DPP6: variants seen among roughly 807,000 people sequenced by gnomAD.
DPP6 encodes dipeptidyl peptidase like 6.
DPP6 carries 69 observed loss-of-function variants against 122.6 expected under a neutral mutation model. That is an observed-to-expected ratio of 0.56 (90% CI 0.46 to 0.69). The LOEUF is 0.69. Ranked by LOEUF, DPP6 falls within the 30% of genes least tolerant of loss-of-function variation. The pLI, the probability that DPP6 is intolerant of heterozygous loss-of-function variation, is 0.00. For synonymous variants in DPP6, 418 were observed against 433.1 expected, an observed-to-expected ratio of 0.97 and a Z score of 0.43; for missense variants, 928 against 1,116.9, an observed-to-expected ratio of 0.83 and a Z score of 2.41.
chr7:154,420,214 G>A (rs1817353097), intron 1 of DPP6, among the ~76,000 whole-genome samples: 1 of 152,122 alleles, frequency 6.6e-6, no homozygotes, highest in South Asian at 2.1e-4. Context: ...GCGGGCACCT[G>A]TAATCCCAGC....
intron 5 of DPP6, among the ~76,000 whole-genome samples, chr7:154,590,695 C>A (rs1028446075): frequency 6.7e-6 from 1 of 150,240 alleles, no homozygotes; most frequent in Non-Finnish European, 1.5e-5. Context: ...CCACCACACC[C>A]GGCTAATTTT....
At chr7:154,598,085 T>C (rs1399815708) in intron 5 of DPP6, among the ~76,000 whole-genome samples, 1 of 152,090 alleles carries the variant, frequency 6.6e-6, no homozygotes, top group Non-Finnish European at 1.5e-5. Context: ...ATTCAACACA[T>C]AGAAAACAGT....
At chr7:154,219,581 C>CT (rs562114358) in intron 1 of DPP6, among the ~76,000 whole-genome samples, 24 of 148,028 alleles carry the variant, frequency 1.6e-4, no homozygotes, top group South Asian at 2.1e-4. Flanking sequence ...TGCTTGCCTA[C>CT]TTTTTTTTTT....
chr7:153,846,577 T>G, the DPP6 span, among the ~76,000 whole-genome samples: 1 of 152,080 alleles, frequency 6.6e-6, no homozygotes, highest in Non-Finnish European at 1.5e-5. Context: ...TGAAATTTCA[T>G]GTATGTCATT....
At chr7:154,471,449 G>A (rs1036953556) in intron 2 of DPP6, among the ~76,000 whole-genome samples, 1 of 151,986 alleles carries the variant, frequency 6.6e-6, no homozygotes, top group Non-Finnish European at 1.5e-5. Context: ...TTGGAAGGTT[G>A]GTTTTCATGA....
chr7:154,319,464 C>A (rs1244311803), intron 1 of DPP6, among the ~76,000 whole-genome samples: 1 of 151,786 alleles, frequency 6.6e-6, no homozygotes, highest in East Asian at 1.9e-4. Flanking sequence ...GAGGCCGAGG[C>A]GGGTGGATTG....
At chr7:153,865,583 T>A in the DPP6 span, among the ~76,000 whole-genome samples, 4 of 152,242 alleles carry the variant, frequency 2.6e-5, no homozygotes, top group African/African-American at 9.6e-5. Flanking sequence ...TACCTCTTAT[T>A]TAACTTTTAC....
chr7:154,689,084 T>C (rs1482416534), intron 7 of DPP6, among the ~76,000 whole-genome samples: 2 of 152,244 alleles, frequency 1.3e-5, no homozygotes, highest in East Asian at 3.8e-4. Context: ...TCTGCCTTAT[T>C]TCCTGATCTT....
intron 1 of DPP6, among the ~76,000 whole-genome samples, chr7:153,913,063 T>G (rs1489262777): frequency 6.6e-6 from 1 of 152,176 alleles, no homozygotes; most frequent in African/African-American, 2.4e-5. Context: ...GGACTGTGTT[T>G]AGGAGTTGTG....
chr7:154,590,426 C>T (rs965539242), intron 5 of DPP6, among the ~76,000 whole-genome samples: 2 of 151,098 alleles, frequency 1.3e-5, no homozygotes, highest in East Asian at 1.9e-4. Context: ...AGTATTGTAA[C>T]ATTTAATGCG....
chr7:153,918,507 A>G (rs1342427368), intron 1 of DPP6, among the ~76,000 whole-genome samples: 1 of 125,068 alleles, frequency 8.0e-6, no homozygotes, highest in African/African-American at 3.1e-5. Context: ...GCCAAGGCAA[A>G]AAGAAGAGGT....
chr7:154,278,142 G>A (rs952774139), intron 1 of DPP6, among the ~76,000 whole-genome samples: 1 of 152,158 alleles, frequency 6.6e-6, no homozygotes, highest in Non-Finnish European at 1.5e-5. Flanking sequence ...GACCTGGGAG[G>A]GAGAGACAGG....
chr7:153,981,033 G>A (rs1028256563), intron 1 of DPP6, among the ~76,000 whole-genome samples: 5 of 152,186 alleles, frequency 3.3e-5, no homozygotes, highest in Non-Finnish European at 7.3e-5. Context: ...TTGATTTGGG[G>A]TGGAGAGTTC....
Position 154,234,989 on chromosome 7 carries a change from T to A in DPP6, c.243+181926T>A, listed in dbSNP as rs147682406. On this transcript the variant is annotated intron_variant, in intron 1 of 25. Transcript: ENST00000377770. Reference sequence around the variant, plus strand: ...GACACAGCAGATGGCCATTGTATGATGGGTTTTGTTCTGTTTTGTTTTGGT... The same window carrying A: ...GACACAGCAGATGGCCATTGTATGAAGGGTTTTGTTCTGTTTTGTTTTGGT... 3.4e-3 allele frequency among the ~76,000 whole-genome samples: 514 copies of A among 152,352 alleles called. 14 individuals are homozygous for A. Among genetic ancestry groups the A allele is most frequent in the Admixed American group, 0.031 (468 of 15,302 alleles).
intron 1 of DPP6, among the ~76,000 whole-genome samples, chr7:153,983,025 A>G (rs1210523391): frequency 2.0e-5 from 3 of 152,312 alleles, no homozygotes; most frequent in African/African-American, 7.2e-5. Flanking sequence ...TACGGGGGTG[A>G]GGGACCCACT....
intron 1 of DPP6, among the ~76,000 whole-genome samples, chr7:154,091,768 C>G (rs546518864): frequency 8.1e-4 from 123 of 152,188 alleles, no homozygotes; most frequent in African/African-American, 2.8e-3. Flanking sequence ...GCTGACCCTC[C>G]CGATGTACCA....
chr7:154,796,005 C>A (rs1563219823), intron 12 of DPP6, 122 bp downstream of exon 12: 1 of 1,418,022 alleles, frequency 7.1e-7, no homozygotes, highest in South Asian at 1.6e-5. Context: ...GCTCCCCAGG[C>A]AGAAACAGAC....
chr7:154,718,749 C>G (rs746706587), intron 7 of DPP6, among the ~76,000 whole-genome samples: 31 of 151,144 alleles, frequency 2.1e-4, no homozygotes, highest in Non-Finnish European at 4.3e-4. Flanking sequence ...AAGTGATTCT[C>G]CAGCCTCAGT....
intron 1 of DPP6, among the ~76,000 whole-genome samples, chr7:154,219,085 T>A (rs1055788032): frequency 6.6e-6 from 1 of 152,196 alleles, no homozygotes; most frequent in African/African-American, 2.4e-5. Flanking sequence ...TTCCTAAGAT[T>A]ATTCACTCAT....
Sources: gnomAD v4.1 joint callset for allele counts (sites outside exome capture counted in the v4.1 genomes callset) on GRCh38, gnomAD v4.1.1 for gene constraint, MANE v1.5 for transcripts, NCBI Gene and HGNC (gene_info 2026-07-23, HGNC 2026-07-21) for gene names.